PREX1: variants seen among roughly 807,000 people sequenced by gnomAD.
PREX1 encodes the protein phosphatidylinositol 3,4,5-trisphosphate-dependent Rac exchanger 1 protein.
In PREX1, 41 loss-of-function variants were observed where a neutral mutation model predicts 198.3. That is an observed-to-expected ratio of 0.21 (90% CI 0.16 to 0.27). The LOEUF is 0.27. Ranked by LOEUF, PREX1 falls within the 10% of genes least tolerant of loss-of-function variation. PREX1 has a pLI of 1.00. For synonymous variants in PREX1, 843 were observed against 887.2 expected, an observed-to-expected ratio of 0.95 and a Z score of 0.89; for missense variants, 1,620 against 2,200.7, an observed-to-expected ratio of 0.74 and a Z score of 5.28.
At chr20:48,681,045 A>G (rs2089745968) in intron 11 of PREX1, among the ~76,000 whole-genome samples, 190 bp downstream of exon 11, 1 of 152,226 alleles carries the variant, frequency 6.6e-6, no homozygotes, top group South Asian at 2.1e-4. Context: ...TTTTTGAGGT[A>G]TCCCTGATTT....
chr20:48,643,122 G>C (rs1601037579), intron 27 of PREX1, among the ~76,000 whole-genome samples: 1 of 152,152 alleles, frequency 6.6e-6, no homozygotes, highest in African/African-American at 2.4e-5. Context: ...GTACCATGTG[G>C]ATACACAACC....
chr20:48,659,772 CAG>C, intron 16 of PREX1, 145 bp downstream of exon 16: 1 of 1,109,758 alleles, frequency 9.0e-7, no homozygotes, highest in East Asian at 2.6e-5. Flanking sequence ...GGCTTCTTGG[CAG>C]AGTTGCCCCC....
At chr20:48,665,267 G>A (rs1424178465) in intron 15 of PREX1, among the ~76,000 whole-genome samples, 3 of 135,516 alleles carry the variant, frequency 2.2e-5, no homozygotes, top group Non-Finnish European at 4.6e-5. Flanking sequence ...TCCCGCCCCA[G>A]ACGGCCTGAA....
the PREX1 span, among the ~76,000 whole-genome samples, chr20:48,869,693 A>G: frequency 6.6e-6 from 1 of 152,230 alleles, no homozygotes; most frequent in African/African-American, 2.4e-5. Context: ...TGTCCTTTGC[A>G]GGGACATGGA....
At position 48,658,127 on chromosome 20, in the gene PREX1, G is replaced by A; in HGVS notation, c.1974+9C>T. The A allele has an allele frequency of 3.7e-6, 6 of 1,611,620 alleles. No homozygotes were observed. The highest frequency in any genetic ancestry group is 5.1e-6 in the Non-Finnish European group (6 of 1,178,762). ...ACACGGTCCCTGCCAGCTCCCCCGA[G>A]GGCCTCACCTCAGCCAGCGAGCCCC... On this transcript the variant is annotated intron_variant, in intron 17 of 39. Transcript: ENST00000371941.
intron 31 of PREX1, among the ~76,000 whole-genome samples, chr20:48,637,403 G>T (rs1331571315): frequency 6.6e-6 from 1 of 152,192 alleles, no homozygotes; most frequent in Non-Finnish European, 1.5e-5. Flanking sequence ...CTCTCTGCTG[G>T]GTGGAAGCCC....
chr20:48,769,544 C>T (rs962209397), intron 1 of PREX1, among the ~76,000 whole-genome samples: 1 of 152,208 alleles, frequency 6.6e-6, no homozygotes, highest in Non-Finnish European at 1.5e-5. Flanking sequence ...AATGAGCTCA[C>T]ACTCTGTGAC....
At chr20:48,670,029 A>G (rs896670499) in intron 14 of PREX1, among the ~76,000 whole-genome samples, 1 of 152,178 alleles carries the variant, frequency 6.6e-6, no homozygotes, top group East Asian at 1.9e-4. Context: ...ACCTGGAGAC[A>G]ATCACTCTTA....
chr20:48,869,812 G>A, the PREX1 span, among the ~76,000 whole-genome samples: 4 of 152,156 alleles, frequency 2.6e-5, no homozygotes, highest in African/African-American at 7.2e-5. Flanking sequence ...CATGGATACA[G>A]GAGGGGAACA....
intron 15 of PREX1, among the ~76,000 whole-genome samples, chr20:48,662,453 C>T (rs1284330955): frequency 2.6e-5 from 4 of 152,236 alleles, no homozygotes; most frequent in Non-Finnish European, 5.9e-5. Context: ...CAGCCCCTTC[C>T]TGACTTCATG....
chr20:48,753,851 C>A (rs1325711794), intron 1 of PREX1, among the ~76,000 whole-genome samples: 1 of 152,218 alleles, frequency 6.6e-6, no homozygotes, highest in African/African-American at 2.4e-5. Context: ...GAGGATCTCA[C>A]CCACTACATA....
the PREX1 span, among the ~76,000 whole-genome samples, chr20:48,884,134 G>A: frequency 1.8e-5 from 2 of 111,500 alleles, no homozygotes; most frequent in East Asian, 2.2e-4. Context: ...GCAAAACTCC[G>A]TCTAAAAAAA....
chr20:48,887,912 C>T, the PREX1 span, among the ~76,000 whole-genome samples: 9 of 146,034 alleles, frequency 6.2e-5, no homozygotes, highest in African/African-American at 2.0e-4. Context: ...ATCACGCCGC[C>T]GCACTCCAGC....
chr20:48,816,858 A>G (rs1474830290), intron 1 of PREX1, among the ~76,000 whole-genome samples: 1 of 152,198 alleles, frequency 6.6e-6, no homozygotes, highest in East Asian at 1.9e-4. Flanking sequence ...AAACCCAGTT[A>G]CATTGCACCC....
chr20:48,701,827 G>A (rs1167976654), intron 6 of PREX1, among the ~76,000 whole-genome samples: 1 of 152,188 alleles, frequency 6.6e-6, no homozygotes, highest in East Asian at 1.9e-4. Context: ...TGACAAAGAC[G>A]TGCATGAAGT....
intron 11 of PREX1, 86 bp from the exon 12 acceptor site, chr20:48,679,840 G>A: frequency 9.5e-7 from 1 of 1,048,316 alleles, no homozygotes; most frequent in African/African-American, 1.6e-5. Flanking sequence ...TTCACTGCCA[G>A]CCACGCCCCC....
intron 1 of PREX1, among the ~76,000 whole-genome samples, chr20:48,797,514 G>A (rs534788081): frequency 6.6e-6 from 1 of 152,072 alleles, no homozygotes; most frequent in South Asian, 2.1e-4. Context: ...CCATACAGCT[G>A]ACCCAGCTCT....
intron 1 of PREX1, among the ~76,000 whole-genome samples, chr20:48,779,953 T>C (rs2090280805): frequency 2.0e-5 from 3 of 152,212 alleles, no homozygotes; most frequent in Admixed American, 6.5e-5. Flanking sequence ...ACTCTACATA[T>C]GTGTTAAAAT....
chr20:48,770,487 G>A (rs904631357), intron 1 of PREX1, among the ~76,000 whole-genome samples: 1 of 152,174 alleles, frequency 6.6e-6, no homozygotes, highest in Non-Finnish European at 1.5e-5. Context: ...GAGGCAGGTG[G>A]ATCACCTGAG....
Sources: gnomAD v4.1 joint callset for allele counts (sites outside exome capture counted in the v4.1 genomes callset) on GRCh38, gnomAD v4.1.1 for gene constraint, MANE v1.5 for transcripts, NCBI Gene and HGNC (gene_info 2026-07-23, HGNC 2026-07-21) for gene names.